PPP2R2A: variants seen among roughly 807,000 people sequenced by gnomAD.
PPP2R2A encodes protein phosphatase 2 regulatory subunit Balpha.
A neutral mutation model predicts 53.2 loss-of-function variants in PPP2R2A; 9 were observed. That is an observed-to-expected ratio of 0.17 (90% CI 0.10 to 0.30). The LOEUF (loss-of-function observed/expected upper bound fraction) is 0.30. PPP2R2A is among the 10% of genes least tolerant of loss of function. PPP2R2A has a pLI of 1.00. For missense variants in PPP2R2A, 235 were observed against 534.6 expected, an observed-to-expected ratio of 0.44 and a Z score of 5.53; for synonymous variants, 169 against 174.2, an observed-to-expected ratio of 0.97 and a Z score of 0.23.
chr8:26,293,312 G>A, intron 1 of PPP2R2A: 1 of 1,505,818 alleles, frequency 6.6e-7, no homozygotes, highest in Non-Finnish European at 8.9e-7. Flanking sequence ...CTCTTCTGCA[G>A]GCTTTTTGTA....
At chr8:26,316,377 T>G (rs1802557581) in intron 2 of PPP2R2A, among the ~76,000 whole-genome samples, 1 of 152,196 alleles carries the variant, frequency 6.6e-6, no homozygotes, top group South Asian at 2.1e-4. Flanking sequence ...TTAAAATAGC[T>G]TTTGTCTAAG....
At chr8:26,308,197 G>C (rs1802111423) in intron 2 of PPP2R2A, among the ~76,000 whole-genome samples, 1 of 152,246 alleles carries the variant, frequency 6.6e-6, no homozygotes, top group East Asian at 1.9e-4. Context: ...TTTTTTGCCA[G>C]TAGAGGATCT....
rs1403409985 is a variant in PPP2R2A at position 26,370,888 on chromosome 8, C to T, written c.*475C>T. 1 of 158,758 alleles carries T rather than the reference C, an allele frequency of 6.3e-6. No individual in the cohort carries two copies. Among genetic ancestry groups the T allele is most frequent in the African/African-American group, 2.4e-5 (1 of 41,362 alleles). The allele number at this position is 158,758 out of a possible 1,614,324, so 9.8% of individuals were successfully genotyped here. A position where few individuals can be genotyped will look rare whatever the true frequency, so the allele number is the denominator to read the frequency against. Reference sequence around the variant, plus strand: ...CTTGTAGCATTCCTCCTCTTCTGGCCTCCTGGACTGCTCCCCTTCATCTCT... The same window carrying T: ...CTTGTAGCATTCCTCCTCTTCTGGCTTCCTGGACTGCTCCCCTTCATCTCT... On this transcript the variant is annotated 3_prime_UTR_variant, in exon 10 of 10. Transcript: ENST00000380737. This position sits in a 1 kb window ranked among gnomAD's most constrained non-coding sequence, Gnocchi z 6.1.
At chr8:26,304,279 CTT>C (rs5890310) in intron 2 of PPP2R2A, among the ~76,000 whole-genome samples, 11 of 146,972 alleles carry the variant, frequency 7.5e-5, no homozygotes, top group Admixed American at 2.7e-4. Context: ...GTGTTCCCAT[CTT>C]TTTTTTTTTT....
chr8:26,343,140 C>T (rs1804031096), intron 3 of PPP2R2A, among the ~76,000 whole-genome samples: 2 of 152,088 alleles, frequency 1.3e-5, no homozygotes, highest in South Asian at 2.1e-4. Flanking sequence ...TGCCTTTGCA[C>T]TCCAGCCTGG....
At chr8:26,303,688 T>C (rs775825450) in intron 2 of PPP2R2A, among the ~76,000 whole-genome samples, 89 of 152,322 alleles carry the variant, frequency 5.8e-4, no homozygotes, top group Non-Finnish European at 1.2e-3. Context: ...TTTTCTACTC[T>C]TGAATGCCAA....
At chr8:26,344,412 T>A (rs1804104393) in intron 3 of PPP2R2A, among the ~76,000 whole-genome samples, 1 of 152,240 alleles carries the variant, frequency 6.6e-6, no homozygotes, top group Non-Finnish European at 1.5e-5. Context: ...TAATCCTGTT[T>A]GGTGTGATGA....
At chr8:26,306,599 A>G (rs1257129743) in intron 2 of PPP2R2A, among the ~76,000 whole-genome samples, 3 of 152,042 alleles carry the variant, frequency 2.0e-5, no homozygotes, top group African/African-American at 7.2e-5. Flanking sequence ...TTCCCACTGT[A>G]TTAATCAAAT....
At chr8:26,320,651 C>G (rs1802789763) in intron 2 of PPP2R2A, among the ~76,000 whole-genome samples, 1 of 152,142 alleles carries the variant, frequency 6.6e-6, no homozygotes. Flanking sequence ...AGCTGTGTCT[C>G]CCTGCCTTTT....
intron 2 of PPP2R2A, among the ~76,000 whole-genome samples, chr8:26,299,261 CA>C (rs5890307): frequency 0.6 from 87,416 of 145,234 alleles, 25,638 homozygotes; most frequent in South Asian, 0.63. Context: ...GACTCTGTTT[CA>C]AAAAAAAAAA....
intron 2 of PPP2R2A, among the ~76,000 whole-genome samples, chr8:26,335,038 G>A (rs1382026917): frequency 6.6e-6 from 1 of 152,096 alleles, no homozygotes; most frequent in Non-Finnish European, 1.5e-5. Flanking sequence ...ATACACAGCC[G>A]AGGATGCTTA....
intron 9 of PPP2R2A, among the ~76,000 whole-genome samples, chr8:26,367,080 A>T (rs1805413797): frequency 6.6e-6 from 1 of 152,216 alleles, no homozygotes; most frequent in South Asian, 2.1e-4. Context: ...AAGTAATCAG[A>T]GATACTTCAA....
intron 2 of PPP2R2A, among the ~76,000 whole-genome samples, chr8:26,316,890 G>T (rs1384681579): frequency 6.6e-6 from 1 of 152,344 alleles, no homozygotes; most frequent in South Asian, 2.1e-4. Flanking sequence ...TGTGAATTTT[G>T]TGGGGGATGA....
intron 2 of PPP2R2A, among the ~76,000 whole-genome samples, chr8:26,296,668 C>A (rs1801552710): frequency 2.0e-5 from 3 of 152,188 alleles, no homozygotes. Flanking sequence ...AGGCATGAAG[C>A]TGCTCTGTCT....
At chr8:26,320,180 T>C (rs1225366184) in intron 2 of PPP2R2A, among the ~76,000 whole-genome samples, 4 of 152,224 alleles carry the variant, frequency 2.6e-5, no homozygotes, top group Non-Finnish European at 5.9e-5. Flanking sequence ...GGTTATATCC[T>C]GTACAGCCAT....
chr8:26,361,189 G>T (rs751670413), intron 6 of PPP2R2A, 38 bp downstream of exon 6: 1 of 1,515,114 alleles, frequency 6.6e-7, no homozygotes, highest in Non-Finnish European at 8.9e-7. Context: ...GGTGAAGAAG[G>T]CATGTTGTGC....
intron 3 of PPP2R2A, among the ~76,000 whole-genome samples, chr8:26,353,733 T>C (rs1161781570): frequency 6.6e-6 from 1 of 152,210 alleles, no homozygotes; most frequent in East Asian, 1.9e-4. Flanking sequence ...TAAATTACAT[T>C]TTTTCAAAGT....
At chr8:26,333,704 C>T (rs1022330801) in intron 2 of PPP2R2A, 15 of 301,096 alleles carry the variant, frequency 5.0e-5, no homozygotes, top group Non-Finnish European at 2.2e-5. Flanking sequence ...ATTTTTGAAC[C>T]TTTGGCTGTA....
intron 4 of PPP2R2A, chr8:26,358,888 A>G (rs878901192): frequency 4.4e-6 from 2 of 455,868 alleles, no homozygotes; most frequent in South Asian, 1.5e-5. Context: ...AGGGAGTATA[A>G]CTTATTTCTC....
Sources: gnomAD v4.1 joint callset for allele counts (sites outside exome capture counted in the v4.1 genomes callset) on GRCh38, gnomAD v4.1.1 for gene constraint, Gnocchi (gnomAD v3.1) non-coding constraint, MANE v1.5 for transcripts, NCBI Gene and HGNC (gene_info 2026-07-23, HGNC 2026-07-21) for gene names.